PCSK2: variants seen among roughly 807,000 people sequenced by gnomAD.
PCSK2 encodes the protein proprotein convertase subtilisin/kexin type 2, also known as neuroendocrine convertase 2.
A neutral mutation model predicts 69.7 loss-of-function variants in PCSK2; 14 were observed. The observed-to-expected ratio is 0.20, with a 90% confidence interval of 0.13 to 0.31. PCSK2 has a LOEUF of 0.31. Ranked by LOEUF, PCSK2 falls within the 10% of genes least tolerant of loss-of-function variation. The pLI is 1.00. For missense variants in PCSK2, 544 were observed against 842.5 expected (o/e 0.65, Z 4.39); for synonymous variants, 307 against 320.7 (o/e 0.96, Z 0.46).
At chr20:17,418,971 G>T (rs923496492) in intron 6 of PCSK2, among the ~76,000 whole-genome samples, 1 of 152,208 alleles carries the variant, frequency 6.6e-6, no homozygotes, top group African/African-American at 2.4e-5. Flanking sequence ...AAAGGCAGCG[G>T]CTGTCCAGCA....
intron 8 of PCSK2, among the ~76,000 whole-genome samples, chr20:17,440,861 T>TA (rs2032579900): frequency 9.7e-6 from 1 of 103,318 alleles, no homozygotes; most frequent in African/African-American, 4.4e-5. Flanking sequence ...AAACTCTATC[T>TA]CAAAAAAAAA....
intron 7 of PCSK2, among the ~76,000 whole-genome samples, chr20:17,429,745 T>C (rs1384959302): frequency 6.6e-6 from 1 of 152,170 alleles, no homozygotes. Flanking sequence ...AAATCATAAA[T>C]AAGCTAATGA....
intron 8 of PCSK2, among the ~76,000 whole-genome samples, chr20:17,444,349 G>C (rs1205776863): frequency 6.6e-6 from 1 of 152,172 alleles, no homozygotes; most frequent in Non-Finnish European, 1.5e-5. Flanking sequence ...GTTGTCTGAT[G>C]GCTGCTTCAC....
At chr20:17,359,794 C>G (rs1451664145) in intron 3 of PCSK2, among the ~76,000 whole-genome samples, 1 of 147,188 alleles carries the variant, frequency 6.8e-6, no homozygotes, top group Non-Finnish European at 1.5e-5. Context: ...GCTCTGACTT[C>G]ATTATTTTTT....
rs568020472 is a variant in PCSK2, at chr20:17,352,592, A to G, written c.283-5735A>G. 1.1e-4 allele frequency among the ~76,000 whole-genome samples: 16 copies of G among 152,356 alleles called. No homozygotes were observed. The South Asian group carries it at 2.3e-3, about 22-fold the overall frequency. On this transcript the variant is annotated intron_variant, in intron 2 of 11. Transcript: ENST00000262545. ...TCAAGAAAGTCTACAAAAGTAAGCA[A>G]TGGGAAAAGGGCTTTTTATTCAATA...
intron 6 of PCSK2, among the ~76,000 whole-genome samples, chr20:17,416,794 T>C (rs1261879731): frequency 6.6e-6 from 1 of 152,164 alleles, no homozygotes; most frequent in African/African-American, 2.4e-5. Flanking sequence ...AATGATAGAC[T>C]GGATTAAGAA....
rs113317153 is a variant in PCSK2 at position 17,390,850 on chromosome 20, C to T, written c.544-18413C>T. On this transcript the variant is annotated intron_variant, in intron 5 of 11. Coordinates refer to ENST00000262545, the MANE Select transcript of PCSK2 (RefSeq NM_002594.5). The stretch of plus-strand genomic sequence containing the variant: ...CCCACTCACTTTCCAATTTTGGTGA[C>T]GTGGCAGTTCTGCATGGATCTTTCC... Among the ~76,000 whole-genome samples, 315 of 152,218 alleles carry T rather than the reference C, an allele frequency of 2.1e-3. 1 individual carries two copies. Among genetic ancestry groups the T allele is most frequent in the African/African-American group, 7.2e-3 (300 of 41,558 alleles).
chr20:17,378,280 A>G lies in PCSK2; in HGVS notation c.543+9003A>G, dbSNP rs148907555. Among the ~76,000 whole-genome samples the G allele has an allele frequency of 1.9e-3, 284 of 146,828 alleles. 3 individuals carry two copies. The highest frequency in any genetic ancestry group is 6.5e-3 in the African/African-American group (268 of 41,370). ...GATGAACTTGTTTTCTTGGGTCGATACAGCATATGAATTCATCTAGAAGCT... is the reference window on the plus strand; with the variant it reads ...GATGAACTTGTTTTCTTGGGTCGATGCAGCATATGAATTCATCTAGAAGCT... On this transcript the variant is annotated intron_variant, in intron 5 of 11. Coordinates refer to ENST00000262545, the MANE Select transcript of PCSK2 (RefSeq NM_002594.5).
intron 5 of PCSK2, among the ~76,000 whole-genome samples, chr20:17,389,010 T>A (rs574003256): frequency 6.6e-6 from 1 of 152,280 alleles, no homozygotes; most frequent in South Asian, 2.1e-4. Flanking sequence ...CTTTAATAGA[T>A]AATGAGAAAT....
intron 1 of PCSK2, among the ~76,000 whole-genome samples, chr20:17,238,969 A>G (rs1333538368): frequency 6.6e-6 from 1 of 152,218 alleles, no homozygotes; most frequent in African/African-American, 2.4e-5. Context: ...TAGCATCATC[A>G]TTAGATTTTC....
intron 2 of PCSK2, among the ~76,000 whole-genome samples, chr20:17,303,640 C>T (rs558441948): frequency 7.0e-6 from 1 of 141,986 alleles, no homozygotes; most frequent in Admixed American, 7.5e-5. Context: ...GCAGTAGTGC[C>T]ATCTCAGCTC....
At chr20:17,367,698 A>G (rs941686822) in intron 4 of PCSK2, among the ~76,000 whole-genome samples, 3 of 152,098 alleles carry the variant, frequency 2.0e-5, no homozygotes, top group African/African-American at 7.2e-5. Context: ...GGGTCTCACT[A>G]TGTTGCCCAG....
At chr20:17,318,744 C>A (rs1989768796) in intron 2 of PCSK2, among the ~76,000 whole-genome samples, 1 of 152,210 alleles carries the variant, frequency 6.6e-6, no homozygotes, top group Non-Finnish European at 1.5e-5. Flanking sequence ...TTCTCTGAAG[C>A]CTGCTTCTGC....
intron 2 of PCSK2, among the ~76,000 whole-genome samples, chr20:17,281,318 T>C (rs1281015797): frequency 6.6e-6 from 1 of 152,178 alleles, no homozygotes; most frequent in African/African-American, 2.4e-5. Flanking sequence ...TAAACACTTC[T>C]CCTGGCCCTG....
chr20:17,416,576 AG>A (rs2032004253), intron 6 of PCSK2, among the ~76,000 whole-genome samples: 1 of 149,670 alleles, frequency 6.7e-6, no homozygotes, highest in African/African-American at 2.4e-5. Flanking sequence ...TGTTGGTGGG[AG>A]TGTAAATTGG....
chr20:17,251,953 C>G (rs1401636184), intron 1 of PCSK2, among the ~76,000 whole-genome samples: 1 of 152,182 alleles, frequency 6.6e-6, no homozygotes, highest in Non-Finnish European at 1.5e-5. Context: ...GATTGTCAGG[C>G]AAAGCACTAC....
At chr20:17,296,456 G>A (rs556200139) in intron 2 of PCSK2, among the ~76,000 whole-genome samples, 6 of 152,194 alleles carry the variant, frequency 3.9e-5, no homozygotes, top group Middle Eastern at 3.4e-3. Context: ...CAAACCACTC[G>A]CGCCCCTCTC....
intron 5 of PCSK2, among the ~76,000 whole-genome samples, chr20:17,395,451 T>G (rs914046801): frequency 2.6e-5 from 4 of 152,204 alleles, no homozygotes; most frequent in African/African-American, 4.8e-5. Flanking sequence ...AAAAATGAGC[T>G]GCAGATGTCA....
At chr20:17,275,893 C>T (rs1316319868) in intron 2 of PCSK2, among the ~76,000 whole-genome samples, 1 of 152,146 alleles carries the variant, frequency 6.6e-6, no homozygotes, top group Non-Finnish European at 1.5e-5. Context: ...CACTCACTCA[C>T]TTGCCAGTTA....
Sources: gnomAD v4.1 joint callset for allele counts (sites outside exome capture counted in the v4.1 genomes callset) on GRCh38, gnomAD v4.1.1 for gene constraint, MANE v1.5 for transcripts, NCBI Gene and HGNC (gene_info 2026-07-23, HGNC 2026-07-21) for gene names.